FAM193A: variants seen among roughly 807,000 people sequenced by gnomAD.
FAM193A encodes the protein family with sequence similarity 193 member A.
FAM193A carries 22 observed loss-of-function variants against 126.5 expected under a neutral mutation model. The ratio of observed to expected loss-of-function variants is 0.17; its 90% confidence interval spans 0.12 to 0.25. The LOEUF is 0.25. Ranked by LOEUF, FAM193A falls within the 10% of genes least tolerant of loss-of-function variation. The pLI, the probability that FAM193A is intolerant of heterozygous loss-of-function variation, is 1.00. For synonymous variants in FAM193A, 761 were observed against 646.8 expected (o/e 1.18, Z -2.68); for missense variants, 1,675 against 1,672.8 (o/e 1.00, Z -0.02).
chr4:2,683,107 T>C (rs1380777306), intron 13 of FAM193A, among the ~76,000 whole-genome samples: 1 of 152,148 alleles, frequency 6.6e-6, no homozygotes, highest in Non-Finnish European at 1.5e-5. Flanking sequence ...GCTGGACACA[T>C]AATTCTAGGT....
rs372387208 is a variant in FAM193A, at chr4:2,687,790, C to T, written c.2332-1716C>T. On this transcript the variant is annotated intron_variant, in intron 13 of 20. Coordinates refer to ENST00000637812, the MANE Select transcript of FAM193A (RefSeq NM_001366318.2). ...TCATCTCACTCTGCTGTTTAAATCC[C>T]TCTGTGACTCCCCAGCCCCTTCAGA... Among the ~76,000 whole-genome samples, 3 of 152,200 alleles carry T rather than the reference C, an allele frequency of 2.0e-5. No individual in the cohort carries two copies. The East Asian group carries it at 5.8e-4, about 29-fold the overall frequency.
Position 2,694,968 on chromosome 4 carries a change from C to A in FAM193A, c.3115C>A (p.Arg1039Ser). The A allele has an allele frequency of 6.2e-7, 1 of 1,602,032 alleles. No individual in the cohort carries two copies. Among genetic ancestry groups the A allele is most frequent in the East Asian group, 2.3e-5 (1 of 43,862 alleles). Residue 1039 changes from arginine to serine, a missense_variant, in exon 17 of 21, where the codon CGC becomes AGC. Around this residue, in one of 4 missense-constraint regions of FAM193A, gnomAD observed 1,186 missense variants for 1,109.2 expected, o/e 1.07. Coordinates refer to ENST00000637812, the MANE Select transcript of FAM193A (RefSeq NM_001366318.2). ...CAGTGACCCTGACTGCGAAGGGCAC[C>A]GCTGCGAGAATGGTGTCTACGACCC... is the stretch of plus-strand genomic sequence containing the variant. ...VCSDPDCEGH[R>S]CENGVYDPQQ...
intron 2 of FAM193A, among the ~76,000 whole-genome samples, chr4:2,609,478 T>A (rs1322734695): frequency 6.6e-6 from 1 of 152,222 alleles, no homozygotes; most frequent in East Asian, 1.9e-4. Context: ...CCATTTTGAT[T>A]ATGGGCATTA....
intron 1 of FAM193A, among the ~76,000 whole-genome samples, chr4:2,584,280 A>T (rs530519449): frequency 6.6e-6 from 1 of 152,274 alleles, no homozygotes; most frequent in East Asian, 1.9e-4. Context: ...TAAAAAAATT[A>T]GCGGTGCTTG....
upstream of FAM193A, among the ~76,000 whole-genome samples, chr4:2,535,596 C>T (rs531066697): frequency 6.6e-6 from 1 of 152,244 alleles, no homozygotes; most frequent in East Asian, 1.9e-4. Context: ...GGTCTCAGGG[C>T]AGAGCTCTGC....
chr4:2,658,084 C>T (rs185253870), intron 8 of FAM193A, among the ~76,000 whole-genome samples: 3 of 152,302 alleles, frequency 2.0e-5, no homozygotes, highest in East Asian at 1.9e-4. Flanking sequence ...CTTCCATATA[C>T]GCCTCAAGAA....
Position 2,700,150 on chromosome 4 carries a change from C to T in FAM193A, c.3978C>T (p.Asp1326=). The T allele has an allele frequency of 6.2e-7, 1 of 1,613,622 alleles. No homozygotes were observed. Among genetic ancestry groups the T allele is most frequent in the Non-Finnish European group, 8.5e-7 (1 of 1,179,956 alleles). ...ATGAGCCACTCTCTTTTTTCTTCGA[C>T]ATCATGCAGCACCATAAAGAAGGAA... is the stretch of plus-strand genomic sequence containing the variant. The part of the protein sequence containing the change: ...KQHEPLSFFF[D]IMQHHKEGNG... The change falls in exon 19 of 21, where the codon GAC becomes GAT. Residue 1326 remains aspartate, a synonymous_variant. Transcript: ENST00000637812.
At chr4:2,652,458 T>G (rs886852161) in intron 7 of FAM193A, among the ~76,000 whole-genome samples, 7 of 152,126 alleles carry the variant, frequency 4.6e-5, no homozygotes, top group Non-Finnish European at 8.8e-5. Flanking sequence ...TGGCTCACGG[T>G]TCTGTGGCTG....
At chr4:2,544,753 C>A (rs995250343) in intron 1 of FAM193A, among the ~76,000 whole-genome samples, 1 of 151,838 alleles carries the variant, frequency 6.6e-6, no homozygotes, top group Admixed American at 6.6e-5. Flanking sequence ...CCTGTAATCC[C>A]AGTTATGTAG....
chr4:2,699,631 T>C (rs745393300), intron 18 of FAM193A, 49 bp from the exon 19 acceptor site: 3 of 1,532,396 alleles, frequency 2.0e-6, no homozygotes, highest in Non-Finnish European at 2.6e-6. Flanking sequence ...TATGACTTAA[T>C]TTTTAGCACT....
chr4:2,663,200 C>T lies in FAM193A; in HGVS notation c.1991C>T (p.Pro664Leu), dbSNP rs200929388. 355 of 1,614,122 alleles carry T rather than the reference C, an allele frequency of 2.2e-4. 3 individuals are homozygous for T. The East Asian group carries it at 6.3e-3, about 29-fold the overall frequency. Residue 664 changes from proline to leucine, a missense_variant, in exon 12 of 21, where the codon CCG becomes CTG. Physicochemically the swap from Pro to Leu is moderately conservative, Grantham distance 98. Coordinates refer to ENST00000637812, the MANE Select transcript of FAM193A (RefSeq NM_001366318.2). ...AGTAGTGGGGAGCCCCCAGGGGCCC[C>T]GAAGGAAGATGGAGTGCTGGGAAGC... ...GESSGEPPGA[P>L]KEDGVLGSRS...
At chr4:2,651,514 A>G (rs187951045) in intron 7 of FAM193A, among the ~76,000 whole-genome samples, 1 of 152,240 alleles carries the variant, frequency 6.6e-6, no homozygotes, top group Non-Finnish European at 1.5e-5. Context: ...CAAGAGGGGA[A>G]ATGCCACACT....
chr4:2,551,389 A>G (rs547993391), intron 1 of FAM193A, among the ~76,000 whole-genome samples: 7 of 152,320 alleles, frequency 4.6e-5, no homozygotes, highest in African/African-American at 1.4e-4. Flanking sequence ...AGTGCTGAAA[A>G]AGTTTCAGAT....
intron 5 of FAM193A, among the ~76,000 whole-genome samples, chr4:2,633,130 G>C (rs981911318): frequency 1.3e-5 from 2 of 152,244 alleles, no homozygotes; most frequent in African/African-American, 4.8e-5. Context: ...GGGTGCGGTG[G>C]CTCACGCCTG....
chr4:2,609,939 AAG>A (rs952296050), intron 2 of FAM193A, among the ~76,000 whole-genome samples: 2 of 150,606 alleles, frequency 1.3e-5, no homozygotes, highest in African/African-American at 4.9e-5. Flanking sequence ...AAAAAAAAAA[AAG>A]AGTTTGCTGG....
At chr4:2,597,937 C>G (rs1740964132) in intron 2 of FAM193A, among the ~76,000 whole-genome samples, 1 of 152,160 alleles carries the variant, frequency 6.6e-6, no homozygotes, top group East Asian at 1.9e-4. Context: ...CAGAGTCTCG[C>G]TCTGTCACCC....
At chr4:2,623,533 T>C (rs1450277078) in intron 2 of FAM193A, among the ~76,000 whole-genome samples, 1 of 152,248 alleles carries the variant, frequency 6.6e-6, no homozygotes, top group Non-Finnish European at 1.5e-5. Context: ...CTGCAGGGTC[T>C]TACCTGCAAG....
intron 20 of FAM193A, among the ~76,000 whole-genome samples, chr4:2,729,686 G>C (rs1028711463): frequency 6.6e-6 from 1 of 152,182 alleles, no homozygotes; most frequent in Admixed American, 6.5e-5. Flanking sequence ...CAACAGGCTC[G>C]CTCAGCCTCT....
Position 2,646,826 on chromosome 4 carries a change from C to G in FAM193A, c.1305C>G (p.Asp435Glu). 6.2e-7 allele frequency: 1 copy of G among 1,611,746 alleles called. No homozygotes were observed. ...ECQKRIDAYVDEQMTMKTKQR... is the reference protein window; with the variant it reads ...ECQKRIDAYVEEQMTMKTKQR... ...AGAAGAGGATCGACGCCTATGTCGA[C>G]GAGCAGGTGAGTGCCACCCGGGACC... is the stretch of plus-strand genomic sequence containing the variant. The change falls in exon 7 of 21, where the codon GAC becomes GAG. Residue 435 changes from aspartate (D) to glutamate (E), a missense_variant. By Grantham distance (45) the Asp-to-Glu change is conservative. This residue lies in a region of FAM193A where 1,186 missense variants were observed against 1,109.2 expected (regional missense o/e 1.07). Transcript: ENST00000637812.
Sources: allele counts gnomAD v4.1 joint callset (sites outside exome capture counted in the v4.1 genomes callset), GRCh38; gene constraint gnomAD v4.1.1; regional missense constraint gnomAD v4.1.1; transcripts MANE v1.5; gene names NCBI Gene and HGNC (gene_info 2026-07-23, HGNC 2026-07-21).